PARP14: variants seen among roughly 807,000 people sequenced by gnomAD.
The protein encoded by PARP14 is poly(ADP-ribose) polymerase family member 14, also known as protein mono-ADP-ribosyltransferase PARP14.
PARP14 carries 59 observed loss-of-function variants against 154.2 expected under a neutral mutation model. The observed-to-expected ratio is 0.38, with a 90% CI of 0.31 to 0.48. The LOEUF (loss-of-function observed/expected upper bound fraction) is 0.48, where lower values mean the gene tolerates loss of function less well. PARP14 is among the 20% of genes least tolerant of loss of function. The pLI, the probability that PARP14 is intolerant of heterozygous loss-of-function variation, is 0.98. For missense variants in PARP14, 1,734 were observed against 2,131.6 expected, an observed-to-expected ratio of 0.81 and a Z score of 3.67; for synonymous variants, 720 against 780.5, an observed-to-expected ratio of 0.92 and a Z score of 1.29.
rs1938573642 is a variant in PARP14, at chr3:122,692,480, G to T, written c.535G>T (p.Asp179Tyr). The change falls in exon 4 of 17, where the codon GAC becomes TAC. Residue 179 changes from aspartate to tyrosine, a missense_variant. Asp to Tyr is a radical substitution (Grantham distance 160). Coordinates refer to ENST00000474629, the MANE Select transcript of PARP14 (RefSeq NM_017554.3). Reference sequence around the variant, plus strand: ...GAACATAAGTGGCCTGTCTAATGATGACTTTCAAGTGGAAATAATAAGAGA... The same window carrying T: ...GAACATAAGTGGCCTGTCTAATGATTACTTTCAAGTGGAAATAATAAGAGA... The part of the protein sequence containing the change: ...VENISGLSND[D>Y]FQVEIIRDFD... 1 of 1,612,968 alleles carries T rather than the reference G, an allele frequency of 6.2e-7. No homozygotes were observed. The highest frequency in any genetic ancestry group is 1.1e-5 in the South Asian group (1 of 91,016).
Position 122,681,110 on chromosome 3 carries a change from T to G in PARP14, c.187+40T>G, listed in dbSNP as rs766862002. The G allele has an allele frequency of 9.0e-5, 122 of 1,357,076 alleles. No homozygotes were observed. Among genetic ancestry groups the G allele is most frequent in the Non-Finnish European group, 1.2e-4 (119 of 989,218 alleles). The allele number at this position is 1,357,076 out of a possible 1,614,324, so 84.1% of individuals were successfully genotyped here. On this transcript the variant is annotated intron_variant, in intron 1 of 16. Transcript: ENST00000474629. The surrounding 1 kb of genome is among the most constrained non-coding windows in gnomAD (Gnocchi z 5.5). ...GGGTGGGGTGAGGAGGGGGCACCTC[T>G]GCCCTCCCTCCAGGGAAATGGCGGC...
chr3:122,707,432 T>C (rs1939195708), intron 8 of PARP14, among the ~76,000 whole-genome samples: 1 of 135,416 alleles, frequency 7.4e-6, no homozygotes, highest in Non-Finnish European at 1.6e-5. Context: ...ATTGTGATTA[T>C]AAATTATTTT....
At position 122,695,573 on chromosome 3, in the gene PARP14, A is replaced by C; in HGVS notation, c.746A>C (p.Glu249Ala). The C allele has an allele frequency of 6.2e-7, 1 of 1,610,898 alleles. No individual in the cohort carries two copies. The highest frequency in any genetic ancestry group is 8.5e-7 in the Non-Finnish European group (1 of 1,177,506). ...GACTACAGTTTAAAACTTTTCTTTG[A>C]AAATCCCTATAATGGAGGGGGAAGA... ...ADDYSLKLFF[E>A]NPYNGGGRVA... Residue 249 changes from glutamate to alanine, a missense_variant, in exon 5 of 17, where the codon GAA becomes GCA. Glu to Ala is a moderately radical substitution (Grantham distance 107). Coordinates refer to ENST00000474629, the MANE Select transcript of PARP14 (RefSeq NM_017554.3).
At position 122,703,777 on chromosome 3, in the gene PARP14, C is replaced by T. The variant is rs140432151; in HGVS notation, c.3117C>T (p.Leu1039=). The T allele has an allele frequency of 1.7e-4, 280 of 1,612,274 alleles. 1 individual carries two copies. In the East Asian group the frequency reaches 5.5e-3, roughly 31 times the overall value. ...TTGTCAACTCCGTTCCCTTGGATCT[C>T]GTGCTTAGTAGAGGGCCTCTTTCTA... ...DVVVNSVPLD[L]VLSRGPLSKS... The change falls in exon 7 of 17, where the codon CTC becomes CTT. Residue 1039 remains leucine (L), a synonymous_variant. Transcript: ENST00000474629.
intron 10 of PARP14, 90 bp downstream of exon 10, chr3:122,713,663 C>T (rs1939392911): frequency 8.4e-7 from 1 of 1,184,848 alleles, no homozygotes; most frequent in Non-Finnish European, 1.2e-6. Flanking sequence ...AGAACTTTGG[C>T]TTGTTAATTA....
rs1353416409 is a variant in PARP14, at chr3:122,729,801, T to G, written c.*1204T>G. On this transcript the variant is annotated 3_prime_UTR_variant, in exon 17 of 17. Coordinates refer to ENST00000474629, the MANE Select transcript of PARP14 (RefSeq NM_017554.3). ...TAACGCCTGCTACACATCTTCATTGTGAAACCCTTCCCCTGTGCTGAGATT... is the reference window on the plus strand; with the variant it reads ...TAACGCCTGCTACACATCTTCATTGGGAAACCCTTCCCCTGTGCTGAGATT... 6.6e-6 allele frequency: 1 copy of G among 152,224 alleles called. No homozygotes were observed. The highest frequency in any genetic ancestry group is 2.4e-5 in the African/African-American group (1 of 41,452). The allele number at this position is 152,224 out of a possible 1,614,324, so 9.4% of individuals were successfully genotyped here.
At position 122,700,535 on chromosome 3, in the gene PARP14, C is replaced by G. The variant is rs1396526302; in HGVS notation, c.1981C>G (p.Leu661Val). Reference protein sequence around the residue: ...VKEVNETYKLLFNFVEQNMKI... With the variant: ...VKEVNETYKLVFNFVEQNMKI... ...AGAAGTAAATGAAACCTATAAATTG[C>G]TTTTTAACTTCGTTGAACAAAACAT... is the stretch of plus-strand genomic sequence containing the variant. The change falls in exon 6 of 17, where the codon CTT (leucine) becomes GTT (valine). Residue 661 changes from leucine to valine, a missense_variant. Coordinates refer to ENST00000474629, the MANE Select transcript of PARP14 (RefSeq NM_017554.3). 6.3e-7 allele frequency: 1 copy of G among 1,599,154 alleles called. No individual in the cohort carries two copies.
At chr3:122,714,178 T>A (rs931415367) in intron 11 of PARP14, 84 bp from the exon 12 acceptor site, 1 of 1,145,684 alleles carries the variant, frequency 8.7e-7, no homozygotes, top group African/African-American at 1.6e-5. Flanking sequence ...AAATGCTTAC[T>A]TGCCAAGTTA....
chr3:122,728,040 C>T (rs1160147832), intron 16 of PARP14, 54 bp downstream of exon 16: 8 of 1,510,018 alleles, frequency 5.3e-6, no homozygotes, highest in South Asian at 3.7e-5. Context: ...CATGAGAGCC[C>T]GAGTTGGCTG....
intron 12 of PARP14, among the ~76,000 whole-genome samples, chr3:122,716,071 G>A (rs998191881): frequency 6.6e-6 from 1 of 152,158 alleles, no homozygotes; most frequent in African/African-American, 2.4e-5. Context: ...TTCTGAGACT[G>A]ATAGATGTAG....
chr3:122,727,149 G>A (rs188199154), intron 15 of PARP14, among the ~76,000 whole-genome samples: 186 of 152,094 alleles, frequency 1.2e-3, no homozygotes, highest in South Asian at 4.6e-3. Context: ...CCCACCCCTC[G>A]GTCTTCCCAG....
intron 15 of PARP14, among the ~76,000 whole-genome samples, chr3:122,722,855 C>T (rs910293457): frequency 6.6e-6 from 1 of 152,140 alleles, no homozygotes; most frequent in African/African-American, 2.4e-5. Context: ...CAATTAAAGA[C>T]ATTCTCCTAA....
At chr3:122,688,077 G>T (rs1466359979) in intron 3 of PARP14, among the ~76,000 whole-genome samples, 2 of 150,054 alleles carry the variant, frequency 1.3e-5, no homozygotes, top group African/African-American at 2.4e-5. Flanking sequence ...GGAGTTTTAT[G>T]AAATAGGATT....
intron 11 of PARP14, 54 bp downstream of exon 11, chr3:122,713,988 G>C: frequency 7.7e-7 from 1 of 1,295,512 alleles, no homozygotes; most frequent in Non-Finnish European, 1.1e-6. Context: ...GGAGGCTGTG[G>C]AGAGGCTGAG....
At position 122,700,075 on chromosome 3, in the gene PARP14, C is replaced by T. The variant is rs1938906102; in HGVS notation, c.1521C>T (p.His507=). Residue 507 remains histidine (H), a synonymous_variant, in exon 6 of 17, where the codon CAC becomes CAT. Coordinates refer to ENST00000474629, the MANE Select transcript of PARP14 (RefSeq NM_017554.3). ...IEICYDRVTQ[H]LCLKGPSADV... ...TTTGTTACGATAGAGTCACTCAACACTTGTGCTTGAAAGGACCTAGTGCAG... is the reference window on the plus strand; with the variant it reads ...TTTGTTACGATAGAGTCACTCAACATTTGTGCTTGAAAGGACCTAGTGCAG... The T allele has an allele frequency of 6.2e-7, 1 of 1,613,664 alleles. No homozygotes were observed. The highest frequency in any genetic ancestry group is 8.5e-7 in the Non-Finnish European group (1 of 1,179,722).
rs766000674 is a variant in PARP14 at position 122,728,481 on chromosome 3, C to G, written c.5290C>G (p.Gln1764Glu). The G allele has an allele frequency of 8.7e-6, 14 of 1,613,882 alleles. No homozygotes were observed. In the South Asian group the frequency reaches 1.3e-4, roughly 15 times the overall value. Residue 1764 changes from glutamine to glutamate, a missense_variant, in exon 17 of 17, where the codon CAA becomes GAA. Physicochemically the swap from Gln to Glu is conservative, Grantham distance 29. Around this residue, in one of 2 missense-constraint regions of PARP14, gnomAD observed 88 missense variants for 155.6 expected, o/e 0.57. Transcript: ENST00000474629. ...AATTGTGCCTCCTTCAAAGAACCCT[C>G]AAAATCCTACTGACCTGTATGACAC... ...SLIVPPSKNPQNPTDLYDTVT... is the reference protein window; with the variant it reads ...SLIVPPSKNPENPTDLYDTVT...
chr3:122,725,907 C>T (rs1658169147), intron 15 of PARP14, among the ~76,000 whole-genome samples: 1 of 150,846 alleles, frequency 6.6e-6, no homozygotes, highest in Admixed American at 6.6e-5. Context: ...TCATTTTCAC[C>T]CCTATTATGT....
rs1281606086 is a variant in PARP14, at chr3:122,730,085, G to T, written c.*1488G>T. The T allele has an allele frequency of 6.6e-6, 1 of 152,136 alleles. No individual in the cohort carries two copies. Among genetic ancestry groups the T allele is most frequent in the Non-Finnish European group, 1.5e-5 (1 of 68,024 alleles). 9.4% of individuals were successfully genotyped at this position (152,136 alleles called of 1,614,324 possible). ...TACACATTGTCTCAATTCCTGTGAG[G>T]TCAGAATTATCTCTGCATTTGAAAC... On this transcript the variant is annotated 3_prime_UTR_variant, in exon 17 of 17. Transcript: ENST00000474629.
intron 15 of PARP14, chr3:122,720,689 C>T (rs750902637): frequency 2.2e-6 from 1 of 449,464 alleles, no homozygotes; most frequent in Non-Finnish European, 4.3e-6. Flanking sequence ...GATTTGATAG[C>T]TAGCAAATTC....
Sources: allele counts gnomAD v4.1 joint callset (sites outside exome capture counted in the v4.1 genomes callset), GRCh38; gene constraint gnomAD v4.1.1; regional missense constraint gnomAD v4.1.1; non-coding constraint Gnocchi (gnomAD v3.1); transcripts MANE v1.5; gene names NCBI Gene and HGNC (gene_info 2026-07-23, HGNC 2026-07-21).